The following C12orf54 variants were observed in gnomAD, a reference collection of about 807,000 sequenced individuals.
C12orf54 encodes the protein chromosome 12 open reading frame 54.
In C12orf54, 24 loss-of-function variants were observed where a neutral mutation model predicts 26.4. The observed-to-expected ratio is 0.91, with a 90% CI of 0.66 to 1.28. C12orf54 has a LOEUF of 1.28. Ranked by LOEUF, C12orf54 falls within the 50% of genes most tolerant of loss-of-function variation. C12orf54 has a pLI of 0.00. For missense variants in C12orf54, 154 were observed against 150.9 expected, an observed-to-expected ratio of 1.02 and a Z score of -0.11; for synonymous variants, 54 against 47.0, an observed-to-expected ratio of 1.15 and a Z score of -0.61.
At chr12:48,488,177 T>A (rs370287921) in intron 4 of C12orf54, 106 of 733,948 alleles carry the variant, frequency 1.4e-4, no homozygotes, top group Middle Eastern at 1.1e-3. Context: ...GTATCCAGTA[T>A]CTCCATGATT....
chr12:48,480,225 A>G (rs1954184955), upstream of C12orf54, among the ~76,000 whole-genome samples: 1 of 152,196 alleles, frequency 6.6e-6, no homozygotes, highest in Non-Finnish European at 1.5e-5. Flanking sequence ...AAACTCAGGA[A>G]TGTATAAAAC....
At chr12:48,435,000 T>C in the C12orf54 span, among the ~76,000 whole-genome samples, 2 of 151,902 alleles carry the variant, frequency 1.3e-5, no homozygotes, top group South Asian at 4.2e-4. Context: ...GGCAAAGAAG[T>C]TAAAAACTTT....
At chr12:48,446,073 A>G in the C12orf54 span, among the ~76,000 whole-genome samples, 1 of 152,200 alleles carries the variant, frequency 6.6e-6, no homozygotes, top group Admixed American at 6.5e-5. Flanking sequence ...GACGGAAAAC[A>G]TAACCATACT....
upstream of C12orf54, among the ~76,000 whole-genome samples, chr12:48,479,954 G>A (rs2137081327): frequency 6.6e-6 from 1 of 152,166 alleles, no homozygotes; most frequent in Non-Finnish European, 1.5e-5. Context: ...GAACTGCTAG[G>A]TGAGGGAGAA....
the C12orf54 span, among the ~76,000 whole-genome samples, chr12:48,450,552 T>A: frequency 6.6e-6 from 1 of 152,070 alleles, no homozygotes; most frequent in Non-Finnish European, 1.5e-5. Flanking sequence ...CAGGAGCTAG[T>A]TTTTTGGAAA....
chr12:48,467,808 CAAT>C, the C12orf54 span, among the ~76,000 whole-genome samples: 1 of 152,088 alleles, frequency 6.6e-6, no homozygotes, highest in African/African-American at 2.4e-5. Flanking sequence ...AATTATACCT[CAAT>C]AAAGTTCTTG....
chr12:48,466,035 A>G, the C12orf54 span, among the ~76,000 whole-genome samples: 2 of 152,238 alleles, frequency 1.3e-5, no homozygotes, highest in Non-Finnish European at 2.9e-5. Context: ...TGGGATAGGC[A>G]AAGATTTCTA....
the C12orf54 span, among the ~76,000 whole-genome samples, chr12:48,464,726 A>C: frequency 1.1e-4 from 16 of 152,174 alleles, no homozygotes; most frequent in Non-Finnish European, 1.5e-4. Flanking sequence ...ACAGACACAT[A>C]AACCAATAGA....
the C12orf54 span, among the ~76,000 whole-genome samples, chr12:48,474,688 G>C: frequency 6.6e-3 from 1,001 of 152,380 alleles, 13 homozygotes; most frequent in African/African-American, 0.023. Context: ...CAGCAAGGCT[G>C]CGGGAGGGGC....
chr12:48,441,849 A>G, the C12orf54 span, among the ~76,000 whole-genome samples: 1 of 152,112 alleles, frequency 6.6e-6, no homozygotes, highest in Non-Finnish European at 1.5e-5. Flanking sequence ...GAAAAGGTAA[A>G]TTTTCCACCT....
the C12orf54 span, among the ~76,000 whole-genome samples, chr12:48,459,252 A>G: frequency 6.6e-5 from 10 of 152,194 alleles, no homozygotes; most frequent in African/African-American, 2.4e-4. Flanking sequence ...TGAGGTAATC[A>G]GGAATGCTTT....
chr12:48,417,679 A>G, the C12orf54 span, among the ~76,000 whole-genome samples: 2 of 152,196 alleles, frequency 1.3e-5, no homozygotes, highest in Non-Finnish European at 2.9e-5. Flanking sequence ...TGATCCCATC[A>G]CCAAGGTAGT....
At chr12:48,472,764 T>C in the C12orf54 span, 27 of 1,614,014 alleles carry the variant, frequency 1.7e-5, no homozygotes, top group Non-Finnish European at 2.2e-5. Flanking sequence ...TGAAGGCAAA[T>C]TGGAAGGCCT....
chr12:48,451,368 C>A, the C12orf54 span, among the ~76,000 whole-genome samples: 1 of 151,984 alleles, frequency 6.6e-6, no homozygotes, highest in African/African-American at 2.4e-5. Flanking sequence ...ATATGACAAA[C>A]CCACAGCCAA....
upstream of C12orf54, among the ~76,000 whole-genome samples, chr12:48,478,434 A>G (rs1163321970): frequency 1.3e-5 from 2 of 152,238 alleles, no homozygotes; most frequent in Non-Finnish European, 2.9e-5. Flanking sequence ...AGGGTATCCA[A>G]TTAGGAAAAG....
chr12:48,476,988 A>T, the C12orf54 span, among the ~76,000 whole-genome samples: 1 of 152,354 alleles, frequency 6.6e-6, no homozygotes, highest in Admixed American at 6.5e-5. Flanking sequence ...TTGACCACAT[A>T]GTTGGAAGTA....
At chr12:48,473,329 A>G in the C12orf54 span, 1 of 1,177,956 alleles carries the variant, frequency 8.5e-7, no homozygotes, top group Non-Finnish European at 1.2e-6. Flanking sequence ...GTAGATGATG[A>G]GGAAGATGAA....
chr12:48,430,248 G>A, the C12orf54 span, among the ~76,000 whole-genome samples: 4 of 152,070 alleles, frequency 2.6e-5, no homozygotes, highest in African/African-American at 9.7e-5. Flanking sequence ...GCTTAGGCAA[G>A]GATTTCATGA....
chr12:48,446,393 A>G, the C12orf54 span, among the ~76,000 whole-genome samples: 3 of 152,346 alleles, frequency 2.0e-5, no homozygotes, highest in Non-Finnish European at 4.4e-5. Flanking sequence ...AACTTCTTTC[A>G]TACTTCCCCT....
Sources: gnomAD v4.1 joint callset for allele counts (sites outside exome capture counted in the v4.1 genomes callset) on GRCh38, gnomAD v4.1.1 for gene constraint, MANE v1.5 for transcripts, NCBI Gene and HGNC (gene_info 2026-07-23, HGNC 2026-07-21) for gene names.